Variants in SUMF1 observed in about 807,000 individuals in gnomAD.
SUMF1 encodes the protein formylglycine-generating enzyme.
A neutral mutation model predicts 47.6 loss-of-function variants in SUMF1; 48 were observed. That is an observed-to-expected ratio of 1.01 (90% CI 0.80 to 1.28). The LOEUF (loss-of-function observed/expected upper bound fraction) is 1.28. Among genes scored for constraint, SUMF1 ranks in the 50% most tolerant of loss-of-function variants. SUMF1 has a pLI of 0.00. For synonymous variants in SUMF1, 230 were observed against 192.1 expected (o/e 1.20, Z -1.63); for missense variants, 571 against 485.4 (o/e 1.18, Z -1.66).
intron 7 of SUMF1, among the ~76,000 whole-genome samples, chr3:4,388,956 C>T (rs566698524): frequency 6.6e-6 from 1 of 152,150 alleles, no homozygotes; most frequent in East Asian, 1.9e-4. Context: ...CCATATCAGA[C>T]AATGTTATAA....
At chr3:4,394,399 C>T (rs1700975582) in intron 7 of SUMF1, among the ~76,000 whole-genome samples, 1 of 152,166 alleles carries the variant, frequency 6.6e-6, no homozygotes, top group African/African-American at 2.4e-5. Flanking sequence ...CTCAAGTGAT[C>T]TGCCCATCTC....
intron 8 of SUMF1, among the ~76,000 whole-genome samples, chr3:4,364,590 T>C (rs1266617837): frequency 3.3e-5 from 5 of 151,610 alleles, no homozygotes; most frequent in Non-Finnish European, 7.4e-5. Flanking sequence ...TCATTTTTTA[T>C]TGGGTCTATT....
downstream of SUMF1, among the ~76,000 whole-genome samples, chr3:4,358,737 A>G (rs1699677403): frequency 6.6e-6 from 1 of 152,210 alleles, no homozygotes; most frequent in African/African-American, 2.4e-5. Context: ...GCAGATAAAG[A>G]TGCTGCAAAG....
chr3:4,335,796 C>A (rs1388127156), intron 8 of SUMF1, among the ~76,000 whole-genome samples: 1 of 151,760 alleles, frequency 6.6e-6, no homozygotes, highest in African/African-American at 2.4e-5. Flanking sequence ...CCCATCTCTA[C>A]TAAAAATACA....
intron 8 of SUMF1, among the ~76,000 whole-genome samples, chr3:4,100,967 C>A (rs897849362): frequency 6.6e-6 from 1 of 152,012 alleles, no homozygotes; most frequent in Non-Finnish European, 1.5e-5. Context: ...CAACTCACAT[C>A]TGTTAGATAA....
chr3:4,158,644 T>C (rs76585497), intron 8 of SUMF1, among the ~76,000 whole-genome samples: 13 of 151,692 alleles, frequency 8.6e-5, no homozygotes, highest in African/African-American at 2.9e-4. Context: ...TATGTGCTCA[T>C]ATATATCTGG....
intron 8 of SUMF1, among the ~76,000 whole-genome samples, chr3:4,217,329 A>T (rs963969602): frequency 6.7e-6 from 1 of 149,394 alleles, no homozygotes; most frequent in Admixed American, 6.8e-5. Flanking sequence ...ACACATGGAC[A>T]TAGGGAGGGG....
chr3:4,283,646 A>G (rs999953396), intron 8 of SUMF1, among the ~76,000 whole-genome samples: 1 of 152,368 alleles, frequency 6.6e-6, no homozygotes, highest in African/African-American at 2.4e-5. Flanking sequence ...GGAAAAAAGC[A>G]TAATAGAAGT....
chr3:4,240,974 T>C (rs995457902), intron 8 of SUMF1, among the ~76,000 whole-genome samples: 1 of 152,090 alleles, frequency 6.6e-6, no homozygotes. Context: ...AAAGATACGA[T>C]ATCCTTTCCT....
At chr3:4,264,513 T>A (rs1697149793) in intron 8 of SUMF1, among the ~76,000 whole-genome samples, 1 of 152,206 alleles carries the variant, frequency 6.6e-6, no homozygotes, top group Admixed American at 6.5e-5. Context: ...ACTTTTTTTT[T>A]ATACACGACA....
intron 8 of SUMF1, among the ~76,000 whole-genome samples, chr3:4,173,600 T>C (rs964285136): frequency 6.6e-6 from 1 of 152,136 alleles, no homozygotes; most frequent in African/African-American, 2.4e-5. Flanking sequence ...TGAAGCACTA[T>C]TCACAATAGT....
intron 8 of SUMF1, among the ~76,000 whole-genome samples, chr3:4,165,118 C>T (rs2125117737): frequency 6.6e-6 from 1 of 152,268 alleles, no homozygotes; most frequent in South Asian, 2.1e-4. Context: ...AGCTGTCATT[C>T]TATCATTTAC....
At chr3:4,081,291 C>T (rs1692554931) in intron 8 of SUMF1, among the ~76,000 whole-genome samples, 1 of 152,122 alleles carries the variant, frequency 6.6e-6, no homozygotes, top group Admixed American at 6.5e-5. Flanking sequence ...ATCAGTGTTC[C>T]TTCTGCCTCA....
chr3:4,061,474 A>G (rs1302486541), intron 9 of SUMF1, among the ~76,000 whole-genome samples: 3 of 152,022 alleles, frequency 2.0e-5, no homozygotes, highest in African/African-American at 7.2e-5. Flanking sequence ...ATGTAGTTAC[A>G]TTTCTTCCCT....
In SUMF1 at chr3:4,092,375, A is replaced by G. The variant is rs150911099; in HGVS notation, c.1015-23630T>C. Among the ~76,000 whole-genome samples the G allele has an allele frequency of 2.5e-3, 381 of 152,186 alleles. 7 individuals are homozygous for G. The highest frequency in any genetic ancestry group is 8.7e-3 in the African/African-American group (360 of 41,512). ...GCAAGTAGCAGCACAAGCATCCCCC[A>G]GTTTCCTTTTCTGTTTTCAGAGGGT... is the stretch of plus-strand genomic sequence containing the variant. On this transcript the variant is annotated intron_variant and NMD_transcript_variant, in intron 8 of 12. Transcript: ENST00000448413.
intron 7 of SUMF1, 72 bp from the exon 8 acceptor site, chr3:4,376,461 A>C: frequency 6.7e-7 from 1 of 1,488,924 alleles, no homozygotes. Context: ...GAGAGAATCC[A>C]CTTTGATCCA....
intron 3 of SUMF1, among the ~76,000 whole-genome samples, chr3:4,428,376 G>C (rs933464247): frequency 7.0e-6 from 1 of 142,890 alleles, no homozygotes; most frequent in Non-Finnish European, 1.6e-5. Flanking sequence ...TTTCTGGAGA[G>C]AGGGTCTTGC....
At chr3:4,075,038 CA>C (rs200426947) in intron 8 of SUMF1, among the ~76,000 whole-genome samples, 2 of 151,524 alleles carry the variant, frequency 1.3e-5, no homozygotes, top group South Asian at 2.1e-4. Flanking sequence ...AGAGACACAA[CA>C]AAAAAAAGGG....
intron 8 of SUMF1, among the ~76,000 whole-genome samples, chr3:4,139,076 T>A (rs1436815331): frequency 1.3e-5 from 2 of 152,156 alleles, no homozygotes; most frequent in African/African-American, 4.8e-5. Flanking sequence ...ATTTATTATT[T>A]TCCTAATAAC....
Sources: gnomAD v4.1 joint callset for allele counts (sites outside exome capture counted in the v4.1 genomes callset) on GRCh38, gnomAD v4.1.1 for gene constraint, MANE v1.5 for transcripts, NCBI Gene and HGNC (gene_info 2026-07-23, HGNC 2026-07-21) for gene names.